Variants in GINS2 observed in about 807,000 individuals in gnomAD.
GINS2 encodes the protein DNA replication complex GINS protein PSF2.
In GINS2, 23 loss-of-function variants were observed where a neutral mutation model predicts 21.2. The ratio of observed to expected loss-of-function variants is 1.08; its 90% confidence interval spans 0.78 to 1.53. GINS2 has a LOEUF of 1.53. Among genes scored for constraint, GINS2 ranks in the 40% most tolerant of loss-of-function variants. The pLI is 0.00. For synonymous variants in GINS2, 118 were observed against 85.6 expected, an observed-to-expected ratio of 1.38 and a Z score of -2.09; for missense variants, 323 against 233.9, an observed-to-expected ratio of 1.38 and a Z score of -2.49.
intron 3 of GINS2, among the ~76,000 whole-genome samples, chr16:85,680,181 C>T (rs1035305200): frequency 1.3e-5 from 2 of 152,226 alleles, no homozygotes; most frequent in African/African-American, 4.8e-5. Flanking sequence ...ATGGGACAAA[C>T]GCCACTGCCG....
At chr16:85,687,773 T>C (rs887686101) in intron 1 of GINS2, 199 bp from the exon 2 acceptor site, 3 of 475,890 alleles carry the variant, frequency 6.3e-6, no homozygotes, top group Admixed American at 4.1e-5. Flanking sequence ...TGGGGCTCAG[T>C]CCTTCTGGCC....
chr16:85,678,847 C>T (rs569318183), intron 3 of GINS2, among the ~76,000 whole-genome samples, 181 bp from the exon 4 acceptor site: 2 of 152,280 alleles, frequency 1.3e-5, no homozygotes, highest in African/African-American at 2.4e-5. Context: ...CGGCAGTGAT[C>T]CACATGGAGT....
chr16:85,687,562 G>T lies in GINS2; in HGVS notation c.103C>A (p.Pro35Thr), dbSNP rs902257725. Residue 35 changes from proline to threonine, a missense_variant, in exon 2 of 5, where the codon CCT becomes ACT. Pro to Thr is a conservative substitution (Grantham distance 38). Transcript: ENST00000253462. Reference sequence around the variant, plus strand: ...TCCACGGGTAAACCAGGGTTAAAAGGCCCCAGGTCCCCCTGCCAAAAGTAA... The same window carrying T: ...TCCACGGGTAAACCAGGGTTAAAAGTCCCCAGGTCCCCCTGCCAAAAGTAA... ...KIYLIGGDLG[P>T]FNPGLPVEVP... 4.5e-6 allele frequency: 7 copies of T among 1,558,604 alleles called. No individual in the cohort carries two copies. Among genetic ancestry groups the T allele is most frequent in the Non-Finnish European group, 5.2e-6 (6 of 1,158,168 alleles).
Position 85,681,578 on chromosome 16 carries a change from T to C in GINS2, c.305+4A>G, listed in dbSNP as rs1465440778. 1.9e-6 allele frequency: 3 copies of C among 1,560,376 alleles called. No homozygotes were observed. The highest frequency in any genetic ancestry group is 2.2e-5 in the South Asian group (2 of 89,788). The stretch of plus-strand genomic sequence containing the variant: ...GTGGCCTCTAAGAGGTGAGATCTAC[T>C]TACTGATTTAACAGGAGCTTCGTAA... On this transcript the variant is annotated splice_donor_region_variant and intron_variant, in intron 3 of 4. Transcript: ENST00000253462.
chr16:85,683,046 C>T (rs936691251), intron 2 of GINS2, among the ~76,000 whole-genome samples: 1 of 152,116 alleles, frequency 6.6e-6, no homozygotes, highest in African/African-American at 2.4e-5. Flanking sequence ...ACTCGAGGAC[C>T]AGCCTTCCAG....
At position 85,678,128 on chromosome 16, in the gene GINS2, T is replaced by C. The variant is rs867994426; in HGVS notation, c.*84A>G. ...ACACATTTTTCATGCATCAGAAGTG[T>C]TTCTAGAGCTCCAGAACCACGAGTA... On this transcript the variant is annotated 3_prime_UTR_variant, in exon 5 of 5. Coordinates refer to ENST00000253462, the MANE Select transcript of GINS2 (RefSeq NM_016095.3). 2 of 1,216,832 alleles carry C rather than the reference T, an allele frequency of 1.6e-6. No homozygotes were observed. The allele number at this position is 1,216,832 out of a possible 1,614,324, so 75.4% of individuals were successfully genotyped here. A position where few individuals can be genotyped will look rare whatever the true frequency, so the allele number is the denominator to read the frequency against.
chr16:85,680,140 T>A (rs12925219), intron 3 of GINS2, among the ~76,000 whole-genome samples: 1 of 152,012 alleles, frequency 6.6e-6, no homozygotes, highest in Admixed American at 6.6e-5. Context: ...CAGGCCCACA[T>A]CTCTCCCGCA....
At chr16:85,688,771 G>A in intron 1 of GINS2, 38 bp downstream of exon 1, 2 of 1,350,598 alleles carry the variant, frequency 1.5e-6, no homozygotes, top group African/African-American at 1.5e-5. Flanking sequence ...GACGCGCCCA[G>A]CCCGGCCTCC....
At chr16:85,684,027 G>A (rs1372747696) in intron 2 of GINS2, among the ~76,000 whole-genome samples, 4 of 152,124 alleles carry the variant, frequency 2.6e-5, no homozygotes, top group Non-Finnish European at 4.4e-5. Context: ...GAAAAGACGT[G>A]GACAAGAATA....
At chr16:85,685,678 A>AAAAAAAAAC (rs1335754213) in intron 2 of GINS2, among the ~76,000 whole-genome samples, 21 of 143,894 alleles carry the variant, frequency 1.5e-4, no homozygotes, top group African/African-American at 5.8e-4. Context: ...CTCAAAAAAA[A>AAAAAAAAAC]AAAAAAAAAA....
intron 2 of GINS2, among the ~76,000 whole-genome samples, chr16:85,684,451 C>T (rs1028881780): frequency 4.6e-5 from 7 of 152,168 alleles, no homozygotes; most frequent in Admixed American, 1.3e-4. Flanking sequence ...ACTATGATCA[C>T]ACCTTTGAAT....
Position 85,681,388 on chromosome 16 carries a change from G to A in GINS2, c.305+194C>T, listed in dbSNP as rs1425053207. Among the ~76,000 whole-genome samples the A allele has an allele frequency of 2.6e-5, 4 of 152,250 alleles. No individual in the cohort carries two copies. In the East Asian group the frequency reaches 7.7e-4, roughly 29 times the overall value. On this transcript the variant is annotated intron_variant, in intron 3 of 4. Coordinates refer to ENST00000253462, the MANE Select transcript of GINS2 (RefSeq NM_016095.3). ...CAAAGAACAGACAGAAAGACACACA[G>A]AGACAGACAGAGTGCACCTGGCAGG...
chr16:85,687,505 G>C lies in GINS2; in HGVS notation c.160C>G (p.Gln54Glu). The C allele has an allele frequency of 1.3e-6, 2 of 1,597,136 alleles. No individual in the cohort carries two copies. The highest frequency in any genetic ancestry group is 1.7e-6 in the Non-Finnish European group (2 of 1,173,388). Residue 54 changes from glutamine (Q) to glutamate (E), a missense_variant, in exon 2 of 5, where the codon CAA (glutamine) becomes GAA (glutamate). Physicochemically the swap from Gln to Glu is conservative, Grantham distance 29 (BLOSUM62 2). Coordinates refer to ENST00000253462, the MANE Select transcript of GINS2 (RefSeq NM_016095.3). ...GGGAGCAGGCGACATTTCTGTCTTT[G>C]TTTCAGGTTAATCGCCAGCCACAGG... ...VPLWLAINLKQRQKCRLLPPE... is the reference protein window; with the variant it reads ...VPLWLAINLKERQKCRLLPPE...
At chr16:85,685,685 A>AAAAAAAAAAAAAAAC (rs56405044) in intron 2 of GINS2, among the ~76,000 whole-genome samples, 10 of 120,978 alleles carry the variant, frequency 8.3e-5, no homozygotes, top group Non-Finnish European at 1.3e-4. Flanking sequence ...AAAAAAAAAA[A>AAAAAAAAAAAAAAAC]AAAAAACCGT....
intron 2 of GINS2, among the ~76,000 whole-genome samples, chr16:85,681,896 G>A (rs1405711471): frequency 6.6e-6 from 1 of 151,968 alleles, no homozygotes; most frequent in African/African-American, 2.4e-5. Flanking sequence ...AATTTTTGTC[G>A]CTGCTTTAGC....
Position 85,677,044 on chromosome 16 carries a change from T to G in GINS2, c.*1168A>C, listed in dbSNP as rs1255014252. On this transcript the variant is annotated 3_prime_UTR_variant, in exon 5 of 5. Coordinates refer to ENST00000253462, the MANE Select transcript of GINS2 (RefSeq NM_016095.3). ...CACACCTGGCAAATTTTTTTTTTTT[T>G]GTATTTTTAATAGAGACGGGGTTTC... 1 of 151,742 alleles carries G rather than the reference T, an allele frequency of 6.6e-6. No individual in the cohort carries two copies. The highest frequency in any genetic ancestry group is 1.5e-5 in the Non-Finnish European group (1 of 67,930). 9.4% of individuals were successfully genotyped at this position (151,742 alleles called of 1,614,324 possible). A position where few individuals can be genotyped will look rare whatever the true frequency, so the allele number is the denominator to read the frequency against.
rs1327034420 is a variant in GINS2, at chr16:85,678,244, G to A, written c.526C>T (p.Pro176Ser). 2 of 1,613,148 alleles carry A rather than the reference G, an allele frequency of 1.2e-6. No homozygotes were observed. The highest frequency in any genetic ancestry group is 2.2e-5 in the East Asian group (1 of 44,874). The change falls in exon 5 of 5, where the codon CCT (proline) becomes TCT (serine). Residue 176 changes from proline (P) to serine (S), a missense_variant. Transcript: ENST00000253462. ...HMYKLRTNLQ[P>S]LESTQSQDF ...TCCTGAGACTGAGTACTCTCCAGAG[G>A]CTGGAGGTTCGTGCGGAGTTTGTAC...
At position 85,681,609 on chromosome 16, in the gene GINS2, A is replaced by G. The variant is rs993534214; in HGVS notation, c.278T>C (p.Met93Thr). The G allele has an allele frequency of 2.5e-6, 4 of 1,610,726 alleles. No homozygotes were observed. The highest frequency in any genetic ancestry group is 3.4e-6 in the Non-Finnish European group (4 of 1,177,070). ...TFTPMPSPYYMELTKLLLNHA... is the reference protein window; with the variant it reads ...TFTPMPSPYYTELTKLLLNHA... ...ATTTAACAGGAGCTTCGTAAGTTCC[A>G]TGTAGTAAGGGCTGGGCATTGGGGT... Residue 93 changes from methionine (M) to threonine (T), a missense_variant, in exon 3 of 5, where the codon ATG (methionine) becomes ACG (threonine). By Grantham distance (81) the Met-to-Thr change is moderately conservative. Transcript: ENST00000253462.
intron 3 of GINS2, 122 bp downstream of exon 3, chr16:85,681,460 C>T (rs554445002): frequency 2.2e-5 from 14 of 633,094 alleles, no homozygotes; most frequent in Non-Finnish European, 3.1e-5. Context: ...AGAAACAGGG[C>T]GGCCAGTGTT....
Sources: allele counts gnomAD v4.1 joint callset (sites outside exome capture counted in the v4.1 genomes callset), GRCh38; gene constraint gnomAD v4.1.1; transcripts MANE v1.5; gene names NCBI Gene and HGNC (gene_info 2026-07-23, HGNC 2026-07-21).